The following FAAH2 variants were observed in gnomAD, a reference collection of about 807,000 sequenced individuals.
FAAH2 encodes the protein fatty-acid amide hydrolase 2.
A neutral mutation model predicts 36.9 loss-of-function variants in FAAH2; 60 were observed. The ratio of observed to expected loss-of-function variants is 1.63; its 90% CI spans 1.32 to 2.02. FAAH2 has a LOEUF of 2.02. Ranked by LOEUF, FAAH2 falls within the 30% of genes most tolerant of loss-of-function variation. The pLI is 0.00. For synonymous variants in FAAH2, 214 were observed against 143.8 expected (o/e 1.49, Z -3.49); for missense variants, 689 against 397.5 (o/e 1.73, Z -6.23).
chrX:57,471,790 C>T (rs201761337), intron 10 of FAAH2, among the ~76,000 whole-genome samples: 3 of 111,511 alleles, frequency 2.7e-5, no homozygotes, highest in African/African-American at 3.3e-5. Flanking sequence ...GCCAAGTCAA[C>T]CCTAAGCCAA....
At chrX:57,314,416 C>T (rs2052779263) in intron 3 of FAAH2, among the ~76,000 whole-genome samples, 1 of 111,489 alleles carries the variant, frequency 9.0e-6, no homozygotes, top group East Asian at 2.8e-4. Context: ...AAATACTCCA[C>T]CCAAAAACCA....
the FAAH2 span, among the ~76,000 whole-genome samples, chrX:57,158,331 A>C: frequency 1.8e-5 from 2 of 112,121 alleles, no homozygotes; most frequent in Admixed American, 9.4e-5. Context: ...GTCTTTATAG[A>C]AGCATGATTT....
the FAAH2 span, among the ~76,000 whole-genome samples, chrX:57,154,250 C>T: frequency 5.6e-5 from 6 of 107,915 alleles, no homozygotes; most frequent in South Asian, 2.5e-3. Flanking sequence ...GAAGATTTCT[C>T]CCCTCATATG....
At chrX:57,230,913 C>T in the FAAH2 span, among the ~76,000 whole-genome samples, 1 of 111,052 alleles carries the variant, frequency 9.0e-6, no homozygotes. Flanking sequence ...AGTTCTTGCT[C>T]ATAGTTTCTT....
At chrX:57,217,738 T>C in the FAAH2 span, among the ~76,000 whole-genome samples, 2 of 112,132 alleles carry the variant, frequency 1.8e-5, no homozygotes, top group Admixed American at 1.9e-4. Flanking sequence ...TTGTTCTTTT[T>C]GCTTAGTCTT....
chrX:57,204,257 G>T, the FAAH2 span, among the ~76,000 whole-genome samples: 3 of 111,342 alleles, frequency 2.7e-5, no homozygotes, highest in Non-Finnish European at 5.7e-5. Flanking sequence ...GATTATGGGA[G>T]CAGATTTATT....
Position 57,388,692 on chromosome X carries a change from C to T in FAAH2, c.996+7663C>T, listed in dbSNP as rs140291180. Among the ~76,000 whole-genome samples the T allele has an allele frequency of 8.4e-3, 927 of 111,004 alleles. 4 individuals are homozygous for T. Among genetic ancestry groups the T allele is most frequent in the Non-Finnish European group, 0.014 (749 of 52,741 alleles). On this transcript the variant is annotated intron_variant, in intron 7 of 10. Coordinates refer to ENST00000374900, the MANE Select transcript of FAAH2 (RefSeq NM_174912.4). ...TTGACAAATGCATAATGCCATGTAA[C>T]TATCATTACAATATCATACAGAATA...
intron 7 of FAAH2, among the ~76,000 whole-genome samples, chrX:57,413,807 G>A (rs1001024713): frequency 7.2e-5 from 8 of 111,848 alleles, no homozygotes; most frequent in African/African-American, 2.3e-4. Flanking sequence ...GGGCAGTATG[G>A]CCATTTTCAT....
chrX:57,213,679 T>C, the FAAH2 span, among the ~76,000 whole-genome samples: 1 of 112,296 alleles, frequency 8.9e-6, no homozygotes, highest in East Asian at 2.8e-4. Context: ...TGTTCCACTG[T>C]TGTTTGTAAG....
At chrX:57,297,392 C>T (rs1407430026) in intron 2 of FAAH2, among the ~76,000 whole-genome samples, 1 of 110,716 alleles carries the variant, frequency 9.0e-6, no homozygotes, top group South Asian at 3.9e-4. Flanking sequence ...CCTTTACAGA[C>T]AAGCAAATGC....
intron 10 of FAAH2, among the ~76,000 whole-genome samples, chrX:57,458,423 G>T (rs1416700582): frequency 9.0e-6 from 1 of 111,034 alleles, no homozygotes; most frequent in Non-Finnish European, 1.9e-5. Context: ...AACCCAGGAG[G>T]CAGAGGTTGC....
At chrX:57,275,888 A>G in the FAAH2 span, among the ~76,000 whole-genome samples, 2 of 112,086 alleles carry the variant, frequency 1.8e-5, no homozygotes, top group Non-Finnish European at 3.8e-5. Flanking sequence ...CTAAATATCT[A>G]TGCACCCAAT....
At chrX:57,364,043 G>A (rs1159844081) in intron 5 of FAAH2, among the ~76,000 whole-genome samples, 3 of 87,932 alleles carry the variant, frequency 3.4e-5, no homozygotes, top group African/African-American at 1.4e-4. Context: ...TGTATTGGTG[G>A]GCTTAGGTGT....
At chrX:57,235,942 T>C in the FAAH2 span, among the ~76,000 whole-genome samples, 1 of 112,495 alleles carries the variant, frequency 8.9e-6, no homozygotes, top group South Asian at 3.7e-4. Context: ...CCAAAACTTA[T>C]TCTTTCTTTC....
At chrX:57,424,428 A>C (rs2056111782) in intron 7 of FAAH2, among the ~76,000 whole-genome samples, 1 of 112,036 alleles carries the variant, frequency 8.9e-6, no homozygotes, top group South Asian at 3.7e-4. Context: ...ACAGCCCTGA[A>C]GTTTGAACTA....
the FAAH2 span, among the ~76,000 whole-genome samples, chrX:57,176,405 T>C: frequency 2.7e-5 from 3 of 111,878 alleles, no homozygotes; most frequent in East Asian, 8.4e-4. Context: ...CAATAAATTG[T>C]ATTTTATTTT....
chrX:57,448,808 C>A, intron 10 of FAAH2, 90 bp downstream of exon 10: 1 of 939,568 alleles, frequency 1.1e-6, no homozygotes, highest in Non-Finnish European at 1.5e-6. Flanking sequence ...TGCAGTTGGA[C>A]AAGTTTTAAA....
At chrX:57,346,799 GGAC>G (rs1365619448) in intron 5 of FAAH2, among the ~76,000 whole-genome samples, 1 of 111,425 alleles carries the variant, frequency 9.0e-6, no homozygotes, top group Non-Finnish European at 1.9e-5. Context: ...CATCTGGGAA[GGAC>G]TTTATTTTTT....
chrX:57,452,572 G>T (rs1242557514), intron 10 of FAAH2, among the ~76,000 whole-genome samples: 1 of 112,431 alleles, frequency 8.9e-6, no homozygotes, highest in African/African-American at 3.2e-5. Context: ...TTTCTATCTT[G>T]TTCACCTATG....
Sources: gnomAD v4.1 joint callset for allele counts (sites outside exome capture counted in the v4.1 genomes callset) on GRCh38, gnomAD v4.1.1 for gene constraint, MANE v1.5 for transcripts, NCBI Gene and HGNC (gene_info 2026-07-23, HGNC 2026-07-21) for gene names.